Variants in CD4 observed in about 807,000 individuals in gnomAD.
The protein encoded by CD4 is CD4 molecule, also known as T-cell surface glycoprotein CD4.
CD4 carries 25 observed loss-of-function variants against 50.5 expected under a neutral mutation model. The ratio of observed to expected loss-of-function variants is 0.49; its 90% CI spans 0.36 to 0.69. The LOEUF is 0.69. Among genes scored for constraint, CD4 ranks in the 30% least tolerant of loss-of-function variants. The probability of loss-of-function intolerance (pLI) is 0.00; values close to 1 mark genes in which losing one functional copy is unlikely to be tolerated. For synonymous variants in CD4, 207 were observed against 221.9 expected (o/e 0.93, Z 0.60); for missense variants, 456 against 548.5 (o/e 0.83, Z 1.68).
In CD4 at chr12:6,818,133, G is replaced by A. The variant is rs555335804; in HGVS notation, c.1157-288G>A. On this transcript the variant is annotated intron_variant, in intron 7 of 9. Coordinates refer to ENST00000011653, the MANE Select transcript of CD4 (RefSeq NM_000616.5). This position sits in a 1 kb window ranked among gnomAD's most constrained non-coding sequence, Gnocchi z 5.0. ...ACACACATTCACACCATTCACACAC[G>A]CACACACATGCACACACTCACACAT... Among the ~76,000 whole-genome samples the A allele has an allele frequency of 2.7e-5, 4 of 148,978 alleles. No individual in the cohort carries two copies. Among genetic ancestry groups the A allele is most frequent in the East Asian group, 2.0e-4 (1 of 4,898 alleles).
intron 3 of CD4, among the ~76,000 whole-genome samples, chr12:6,802,594 C>T (rs1029702247): frequency 2.6e-5 from 4 of 152,128 alleles, no homozygotes; most frequent in Non-Finnish European, 5.9e-5. Context: ...AGGTATGAGC[C>T]ACTGCATGTG....
chr12:6,801,546 A>G (rs781888120), intron 3 of CD4, among the ~76,000 whole-genome samples: 1 of 148,402 alleles, frequency 6.7e-6, no homozygotes, highest in East Asian at 2.0e-4. Context: ...CANATTTATT[A>G]TTATTATTAT....
chr12:6,818,326 A>G lies in CD4; in HGVS notation c.1157-95A>G, dbSNP rs953679822. On this transcript the variant is annotated intron_variant, in intron 7 of 9. Coordinates refer to ENST00000011653, the MANE Select transcript of CD4 (RefSeq NM_000616.5). This position sits in a 1 kb window ranked among gnomAD's most constrained non-coding sequence, Gnocchi z 5.0. ...CCCCTCTCCCCCAACCCCAGGGTCA[A>G]ACCAGAGACTGGCCAGGAGGGATTG... 4 of 1,531,506 alleles carry G rather than the reference A, an allele frequency of 2.6e-6. No individual in the cohort carries two copies. In the African/African-American group the frequency reaches 5.4e-5, roughly 21 times the overall value. The allele number at this position is 1,531,506 out of a possible 1,614,324, so 94.9% of individuals were successfully genotyped here. A position where few individuals can be genotyped will look rare whatever the true frequency, so the allele number is the denominator to read the frequency against.
In CD4 at chr12:6,793,964, C is replaced by CTA. The variant is rs1214165205; in HGVS notation, c.-68+4304_-68+4305dup. Among the ~76,000 whole-genome samples, 119 of 40,934 alleles carry CTA rather than the reference C, an allele frequency of 2.9e-3. 1 individual carries two copies. In the South Asian group the frequency reaches 0.048, roughly 17 times the overall value. The allele number at this position is 40,934 out of a possible 152,430, so 26.9% of individuals were successfully genotyped here. On this transcript the variant is annotated intron_variant, in intron 1 of 9. Coordinates refer to ENST00000011653, the MANE Select transcript of CD4 (RefSeq NM_000616.5). The stretch of plus-strand genomic sequence containing the variant: ...ACCACACACGACACCCGGCTTCTAT[C>CTA]TATCTATATCTATCTATCTATCTAT...
intron 3 of CD4, among the ~76,000 whole-genome samples, chr12:6,809,170 C>T (rs1372816228): frequency 1.3e-5 from 2 of 152,084 alleles, no homozygotes; most frequent in Non-Finnish European, 2.9e-5. Flanking sequence ...GGTTTCCTAT[C>T]GTCATCAATT....
chr12:6,800,906 AT>A (rs1555115144), intron 3 of CD4, among the ~76,000 whole-genome samples: 1 of 147,296 alleles, frequency 6.8e-6, no homozygotes, highest in East Asian at 2.0e-4. Flanking sequence ...GAAAAAAAAT[AT>A]ATATATATTT....
chr12:6,800,408 T>C lies in CD4; in HGVS notation c.151T>C (p.Phe51Leu). The C allele has an allele frequency of 6.2e-7, 1 of 1,614,118 alleles. No homozygotes were observed. Residue 51 changes from phenylalanine (F) to leucine (L), a missense_variant, in exon 3 of 10, where the codon TTC (phenylalanine) becomes CTC (leucine). By Grantham distance (22) the Phe-to-Leu change is conservative. Coordinates refer to ENST00000011653, the MANE Select transcript of CD4 (RefSeq NM_000616.5). Reference protein sequence around the residue: ...CTASQKKSIQFHWKNSNQIKI... With the variant: ...CTASQKKSIQLHWKNSNQIKI... Reference sequence around the variant, plus strand: ...AGCTTCCCAGAAGAAGAGCATACAATTCCACTGGAAAAACTCCAACCAGAT... The same window carrying C: ...AGCTTCCCAGAAGAAGAGCATACAACTCCACTGGAAAAACTCCAACCAGAT...
chr12:6,818,984 G>C lies in CD4; in HGVS notation c.1346+70G>C. ...GGGAGGGAGTTAGAGAGGAGGGGGA[G>C]GAAGGGGAGCAAAGGGGGGCAGGAA... is the stretch of plus-strand genomic sequence containing the variant. On this transcript the variant is annotated intron_variant, in intron 9 of 9. Transcript: ENST00000011653. The surrounding 1 kb of genome is among the most constrained non-coding windows in gnomAD (Gnocchi z 5.0). 4 of 738,272 alleles carry C rather than the reference G, an allele frequency of 5.4e-6. No homozygotes were observed. The highest frequency in any genetic ancestry group is 4.9e-5 in the South Asian group (3 of 61,546). 45.7% of individuals were successfully genotyped at this position (738,272 alleles called of 1,614,324 possible).
chr12:6,795,278 T>TTATC (rs965413321), intron 1 of CD4, among the ~76,000 whole-genome samples: 2 of 149,944 alleles, frequency 1.3e-5, no homozygotes, highest in African/African-American at 2.4e-5. Flanking sequence ...CTAATCTATT[T>TTATC]TATCTATCTA....
intron 3 of CD4, among the ~76,000 whole-genome samples, chr12:6,801,709 T>A (rs1466286396): frequency 6.7e-6 from 1 of 150,320 alleles, no homozygotes; most frequent in African/African-American, 2.4e-5. Flanking sequence ...TACAGGCGTA[T>A]GCCACCATGC....
At chr12:6,791,913 T>C (rs1253632970) in intron 1 of CD4, among the ~76,000 whole-genome samples, 2 of 151,948 alleles carry the variant, frequency 1.3e-5, no homozygotes, top group Non-Finnish European at 1.5e-5. Flanking sequence ...GAATCAGAAG[T>C]AGGTGGGCAG....
intron 4 of CD4, 136 bp downstream of exon 4, chr12:6,814,436 C>G (rs782773616): frequency 2.2e-6 from 2 of 903,146 alleles, no homozygotes; most frequent in East Asian, 5.3e-5. Context: ...AACTGGCCTC[C>G]AAATGTCTTA....
intron 1 of CD4, 27 bp from the exon 2 acceptor site, chr12:6,800,045 C>A: frequency 9.0e-7 from 1 of 1,116,408 alleles, no homozygotes; most frequent in South Asian, 1.2e-5. Context: ...TAAATGTTTG[C>A]TGACTAATGA....
rs910594477 is a variant in CD4 at position 6,792,295 on chromosome 12, G to A, written c.-68+2633G>A. On this transcript the variant is annotated intron_variant, in intron 1 of 9. Transcript: ENST00000011653. This position sits in a 1 kb window ranked among gnomAD's most constrained non-coding sequence, Gnocchi z 4.1. ...CATCCCATCCCTGGGGGCCAGGGGT[G>A]AGGGCGGCAGGAACCTCAAGGCTCT... Among the ~76,000 whole-genome samples the A allele has an allele frequency of 1.3e-5, 2 of 152,146 alleles. No individual in the cohort carries two copies. The highest frequency in any genetic ancestry group is 2.9e-5 in the Non-Finnish European group (2 of 68,030).
In CD4 at chr12:6,814,025, G is replaced by A. The variant is rs1345955769; in HGVS notation, c.215-117G>A. On this transcript the variant is annotated intron_variant, in intron 3 of 9. Transcript: ENST00000011653. The stretch of plus-strand genomic sequence containing the variant: ...ACCGGGTTTCTCTGATTAGAACGAG[G>A]AGCAGATGTTGCAGGAAATTAGCAA... 5.8e-6 allele frequency: 5 copies of A among 857,608 alleles called. No homozygotes were observed. The African/African-American group carries it at 8.5e-5, about 15-fold the overall frequency. 53.1% of individuals were successfully genotyped at this position (857,608 alleles called of 1,614,324 possible). A position where few individuals can be genotyped will look rare whatever the true frequency, so the allele number is the denominator to read the frequency against.
intron 1 of CD4, among the ~76,000 whole-genome samples, chr12:6,799,779 C>T (rs1323476661): frequency 6.6e-6 from 1 of 152,228 alleles, no homozygotes; most frequent in Non-Finnish European, 1.5e-5. Context: ...CCGCACCCAG[C>T]CTAGTATATG....
intron 3 of CD4, among the ~76,000 whole-genome samples, chr12:6,806,475 T>C (rs530909008): frequency 6.6e-6 from 1 of 151,776 alleles, no homozygotes; most frequent in Non-Finnish European, 1.5e-5. Context: ...CGAGACCCTA[T>C]ATCAAAAAAG....
rs1418171146 is a variant in CD4, at chr12:6,819,479, C to A, written c.*150C>A. ...TTGCCATTGTTTCTCCTGGGTTAGG[C>A]CCCGGCTTCACTGGTTGAGTGTTGC... On this transcript the variant is annotated 3_prime_UTR_variant, in exon 10 of 10. Coordinates refer to ENST00000011653, the MANE Select transcript of CD4 (RefSeq NM_000616.5). 1.8e-5 allele frequency: 13 copies of A among 731,416 alleles called. 1 individual carries two copies. Among genetic ancestry groups the A allele is most frequent in the Middle Eastern group, 3.7e-4 (1 of 2,698 alleles). 45.3% of individuals were successfully genotyped at this position (731,416 alleles called of 1,614,324 possible). A position where few individuals can be genotyped will look rare whatever the true frequency, so the allele number is the denominator to read the frequency against.
rs782735267 is a variant in CD4 at position 6,816,382 on chromosome 12, G to A, written c.934G>A (p.Val312Met). Residue 312 changes from valine (V) to methionine (M), a missense_variant, in exon 6 of 10, where the codon GTG becomes ATG. Transcript: ENST00000011653. The surrounding 1 kb of genome is among the most constrained non-coding windows in gnomAD (Gnocchi z 4.9). ...EAKTGKLHQE[V>M]NLVVMRATQL... ...GAAAACAGGAAAGTTGCATCAGGAA[G>A]TGAACCTGGTGGTGATGAGAGGTGA... 1.9e-6 allele frequency: 3 copies of A among 1,613,830 alleles called. No individual in the cohort carries two copies. The highest frequency in any genetic ancestry group is 2.5e-6 in the Non-Finnish European group (3 of 1,179,866).
Sources: allele counts gnomAD v4.1 joint callset (sites outside exome capture counted in the v4.1 genomes callset), GRCh38; gene constraint gnomAD v4.1.1; non-coding constraint Gnocchi (gnomAD v3.1); transcripts MANE v1.5; gene names NCBI Gene and HGNC (gene_info 2026-07-23, HGNC 2026-07-21).